Variants in PSD3 observed in about 807,000 individuals in gnomAD.
The protein encoded by PSD3 is PH and SEC7 domain-containing protein 3.
Under a neutral mutation model 105.5 loss-of-function variants are expected in PSD3, and 49 were observed. The ratio of observed to expected loss-of-function variants is 0.46; its 90% CI spans 0.37 to 0.59. The LOEUF is 0.59. Among genes scored for constraint, PSD3 ranks in the 20% least tolerant of loss-of-function variants. PSD3 has a pLI of 0.00. For synonymous variants in PSD3, 557 were observed against 457.8 expected, an observed-to-expected ratio of 1.22 and a Z score of -2.77; for missense variants, 1,561 against 1,263.8, an observed-to-expected ratio of 1.24 and a Z score of -3.57.
chr8:18,560,302 A>G (rs1801323079), intron 14 of PSD3, among the ~76,000 whole-genome samples: 1 of 152,136 alleles, frequency 6.6e-6, no homozygotes, highest in Admixed American at 6.5e-5. Flanking sequence ...ACATTCTCAG[A>G]CTCAGGACAA....
intron 1 of PSD3, among the ~76,000 whole-genome samples, chr8:19,070,951 T>C (rs1007196613): frequency 1.3e-5 from 2 of 152,230 alleles, no homozygotes; most frequent in Non-Finnish European, 2.9e-5. Flanking sequence ...TAGTGTTTTA[T>C]TTTTATTTTT....
intron 2 of PSD3, among the ~76,000 whole-genome samples, chr8:18,927,805 A>G (rs895073855): frequency 6.6e-6 from 1 of 152,214 alleles, no homozygotes; most frequent in African/African-American, 2.4e-5. Flanking sequence ...ATCATTGCGG[A>G]CATTCTAAGG....
At chr8:18,566,079 G>C (rs1441500003) in intron 14 of PSD3, among the ~76,000 whole-genome samples, 2 of 152,116 alleles carry the variant, frequency 1.3e-5, no homozygotes, top group Non-Finnish European at 2.9e-5. Flanking sequence ...TTTGCTGGAG[G>C]CACACTATGA....
At chr8:18,561,595 T>C (rs560135061) in intron 14 of PSD3, among the ~76,000 whole-genome samples, 2 of 152,150 alleles carry the variant, frequency 1.3e-5, no homozygotes, top group Non-Finnish European at 2.9e-5. Flanking sequence ...GCTCAAAGAA[T>C]AGAATTTAAG....
At chr8:18,823,774 ACACACT>A (rs879382269) in intron 4 of PSD3, among the ~76,000 whole-genome samples, 3,629 of 30,062 alleles carry the variant, frequency 0.12, 127 homozygotes, top group African/African-American at 0.4. Flanking sequence ...TTTATCTTAA[ACACACT>A]CACACACACA....
Position 18,940,854 on chromosome 8 carries a change from G to T in PSD3, c.22-4712C>A, listed in dbSNP as rs546639766. On this transcript the variant is annotated intron_variant, in intron 1 of 15. Coordinates refer to ENST00000327040, the MANE Select transcript of PSD3 (RefSeq NM_015310.4). ...TGCAGTTGCCAAAAACCACGCTTCT[G>T]TCTGTCAGTTCCCCAATAAAACACC... Among the ~76,000 whole-genome samples, 40 of 152,234 alleles carry T rather than the reference G, an allele frequency of 2.6e-4. No homozygotes were observed. The South Asian group carries it at 2.9e-3, about 11-fold the overall frequency.
At chr8:18,982,452 T>C (rs866575523) in intron 1 of PSD3, among the ~76,000 whole-genome samples, 1 of 152,230 alleles carries the variant, frequency 6.6e-6, no homozygotes, top group Non-Finnish European at 1.5e-5. Context: ...TGGTGAATTC[T>C]TTTCAGAAGG....
At chr8:19,066,739 C>A (rs1563541144) in intron 1 of PSD3, among the ~76,000 whole-genome samples, 1 of 152,210 alleles carries the variant, frequency 6.6e-6, no homozygotes, top group Non-Finnish European at 1.5e-5. Context: ...TGATGTTGTT[C>A]TTTCAAACAT....
intron 2 of PSD3, among the ~76,000 whole-genome samples, chr8:18,888,280 G>A (rs1052906512): frequency 3.3e-5 from 5 of 152,168 alleles, no homozygotes; most frequent in African/African-American, 9.7e-5. Context: ...GCTCAGTGCC[G>A]ACTACCGGCA....
intron 4 of PSD3, among the ~76,000 whole-genome samples, chr8:18,843,161 C>T (rs748079815): frequency 5.3e-5 from 8 of 151,996 alleles, no homozygotes; most frequent in Non-Finnish European, 1.0e-4. Flanking sequence ...GCGATCGAGA[C>T]CATCCTGGCT....
At chr8:18,655,305 G>A (rs1222070061) in intron 10 of PSD3, among the ~76,000 whole-genome samples, 1 of 147,804 alleles carries the variant, frequency 6.8e-6, no homozygotes, top group Non-Finnish European at 1.5e-5. Flanking sequence ...CTCCAGCCTG[G>A]GCGACAAAGC....
At chr8:18,670,005 G>A (rs1799687493) in intron 9 of PSD3, among the ~76,000 whole-genome samples, 2 of 152,182 alleles carry the variant, frequency 1.3e-5, no homozygotes, top group South Asian at 2.1e-4. Flanking sequence ...TGGGGTGGAA[G>A]CAGGTAATAA....
At chr8:18,988,130 CATGA>C (rs1825602772) in intron 1 of PSD3, among the ~76,000 whole-genome samples, 1 of 150,692 alleles carries the variant, frequency 6.6e-6, no homozygotes, top group African/African-American at 2.4e-5. Flanking sequence ...TATATATACA[CATGA>C]ATAAGTTAGG....
intron 4 of PSD3, among the ~76,000 whole-genome samples, chr8:18,850,431 G>C (rs558740555): frequency 2.0e-5 from 3 of 152,120 alleles, no homozygotes; most frequent in Admixed American, 6.5e-5. Flanking sequence ...AAAACAAAGC[G>C]ATGTCAAGAT....
At chr8:18,914,408 G>A (rs1367652078) in intron 2 of PSD3, among the ~76,000 whole-genome samples, 1 of 152,062 alleles carries the variant, frequency 6.6e-6, no homozygotes, top group Non-Finnish European at 1.5e-5. Flanking sequence ...CAGCCAAATT[G>A]AAAAGGAATA....
At chr8:18,933,009 A>G (rs1821841279) in intron 2 of PSD3, among the ~76,000 whole-genome samples, 2 of 152,254 alleles carry the variant, frequency 1.3e-5, no homozygotes, top group Non-Finnish European at 2.9e-5. Flanking sequence ...TAGCTAAAGA[A>G]TAAGAAACTT....
At position 19,046,180 on chromosome 8, in the gene PSD3, C is replaced by T. The variant is rs139302420; in HGVS notation, c.324+38026G>A. Among the ~76,000 whole-genome samples, 894 of 152,186 alleles carry T rather than the reference C, an allele frequency of 5.9e-3. 15 individuals are homozygous for T. Among genetic ancestry groups the T allele is most frequent in the African/African-American group, 0.02 (844 of 41,514 alleles). On this transcript the variant is annotated intron_variant, in intron 1 of 1. Transcript: ENST00000521475. ...AGGCCAGAGTGCTGTGGCCTGATCT[C>T]GGCTCACTGCAACCTCTACCTCCCA...
rs541776807 is a variant in PSD3 at position 18,752,781 on chromosome 8, T to C, written c.2172+12668A>G. On this transcript the variant is annotated intron_variant, in intron 9 of 15. Coordinates refer to ENST00000327040, the MANE Select transcript of PSD3 (RefSeq NM_015310.4). ...ATGCAAATAACCTTTCGAGATACGATTTTGAGTATACATATTTGCCTTTCA... is the reference window on the plus strand; with the variant it reads ...ATGCAAATAACCTTTCGAGATACGACTTTGAGTATACATATTTGCCTTTCA... Among the ~76,000 whole-genome samples, 53 of 146,294 alleles carry C rather than the reference T, an allele frequency of 3.6e-4. 1 individual carries two copies. The highest frequency in any genetic ancestry group is 3.2e-3 in the South Asian group (15 of 4,752).
intron 1 of PSD3, among the ~76,000 whole-genome samples, chr8:19,065,137 AC>A (rs1179606143): frequency 1.3e-5 from 2 of 152,138 alleles, no homozygotes; most frequent in African/African-American, 2.4e-5. Context: ...TTTTGTAATG[AC>A]CAGTCTGCTT....
Sources: allele counts gnomAD v4.1 joint callset (sites outside exome capture counted in the v4.1 genomes callset), GRCh38; gene constraint gnomAD v4.1.1; transcripts MANE v1.5; gene names NCBI Gene and HGNC (gene_info 2026-07-23, HGNC 2026-07-21).